Variants in SSBP3 observed in about 807,000 individuals in gnomAD.
SSBP3 encodes the protein single stranded DNA binding protein 3, also known as single-stranded DNA-binding protein 3.
In SSBP3, 5 loss-of-function variants were observed where a neutral mutation model predicts 69.6. The observed-to-expected ratio is 0.07, with a 90% CI of 0.04 to 0.15. The LOEUF (loss-of-function observed/expected upper bound fraction) is 0.15, where lower values mean the gene tolerates loss of function less well. Ranked by LOEUF, SSBP3 falls within the 10% of genes least tolerant of loss-of-function variation. The pLI, the probability that SSBP3 is intolerant of heterozygous loss-of-function variation, is 1.00. For synonymous variants in SSBP3, 196 were observed against 193.4 expected, an observed-to-expected ratio of 1.01 and a Z score of -0.11; for missense variants, 312 against 534.0, an observed-to-expected ratio of 0.58 and a Z score of 4.10.
intron 4 of SSBP3, among the ~76,000 whole-genome samples, chr1:54,396,193 GAAA>G (rs59276509): frequency 0.019 from 765 of 40,518 alleles, 5 homozygotes; most frequent in African/African-American, 0.053. Context: ...CTCCATCTCA[GAAA>G]AAAAAAAAAA....
rs1646572091 is a variant in SSBP3 at position 54,339,654 on chromosome 1, T to C, written c.277-58127A>G. ...TCAGCCGGGCATGGTGGCTCACACC[T>C]ATAATCCTAGCACTTTGGGAGGCTG... On this transcript the variant is annotated intron_variant, in intron 4 of 17. Transcript: ENST00000610401. Among the ~76,000 whole-genome samples the C allele has an allele frequency of 2.0e-5, 3 of 152,126 alleles. No homozygotes were observed. In the South Asian group the frequency reaches 6.2e-4, roughly 32 times the overall value.
intron 5 of SSBP3, among the ~76,000 whole-genome samples, chr1:54,276,035 T>C (rs537031759): frequency 1.3e-5 from 2 of 152,332 alleles, no homozygotes; most frequent in South Asian, 4.1e-4. Flanking sequence ...AAGAGTTCTC[T>C]AGGGACCTCA....
At chr1:54,345,615 C>A (rs1218700713) in intron 4 of SSBP3, among the ~76,000 whole-genome samples, 1 of 152,192 alleles carries the variant, frequency 6.6e-6, no homozygotes, top group African/African-American at 2.4e-5. Flanking sequence ...CCTTTAAAAT[C>A]CTTGGTTTCC....
rs780829835 is a variant in SSBP3, at chr1:54,251,611, G to T, written c.651+5C>A. On this transcript the variant is annotated splice_donor_5th_base_variant and intron_variant, in intron 9 of 17. Coordinates refer to ENST00000610401, the Ensembl canonical transcript of SSBP3. Reference sequence around the variant, plus strand: ...GAGACGGACGGACAGACAGGCGGTGGTTACCTGTGGGCCGGGACCCATGGG... The same window carrying T: ...GAGACGGACGGACAGACAGGCGGTGTTTACCTGTGGGCCGGGACCCATGGG... 12 of 1,551,444 alleles carry T rather than the reference G, an allele frequency of 7.7e-6. No homozygotes were observed. Among genetic ancestry groups the T allele is most frequent in the Non-Finnish European group, 1.0e-5 (12 of 1,146,806 alleles).
upstream of SSBP3, among the ~76,000 whole-genome samples, chr1:54,407,452 G>A (rs112941414): frequency 0.013 from 1,965 of 152,180 alleles, 27 homozygotes; most frequent in Non-Finnish European, 0.022. Flanking sequence ...GAAATTGAGG[G>A]GGGGGCTGGC....
At chr1:54,314,210 A>C (rs1180334450) in intron 4 of SSBP3, among the ~76,000 whole-genome samples, 1 of 152,206 alleles carries the variant, frequency 6.6e-6, no homozygotes, top group Admixed American at 6.5e-5. Flanking sequence ...CTCCAAGGGG[A>C]GACAGGATTA....
At chr1:54,390,022 T>A (rs1287037881) in intron 4 of SSBP3, among the ~76,000 whole-genome samples, 1 of 152,154 alleles carries the variant, frequency 6.6e-6, no homozygotes, top group African/African-American at 2.4e-5. Flanking sequence ...GTTTTGAGTA[T>A]GACAATAGAC....
chr1:54,406,745 G>A (rs1053060315), upstream of SSBP3, among the ~76,000 whole-genome samples: 5 of 152,020 alleles, frequency 3.3e-5, no homozygotes, highest in Non-Finnish European at 7.4e-5. Context: ...GGGGGCTAGG[G>A]GGGCGCTGCG....
rs563330105 is a variant in SSBP3, at chr1:54,258,677, G to A, written c.367-528C>T. Among the ~76,000 whole-genome samples the A allele has an allele frequency of 1.6e-4, 25 of 152,292 alleles. No individual in the cohort carries two copies. The highest frequency in any genetic ancestry group is 5.5e-4 in the African/African-American group (23 of 41,556). On this transcript the variant is annotated intron_variant, in intron 5 of 17. Transcript: ENST00000610401. The surrounding 1 kb of genome is among the most constrained non-coding windows in gnomAD (Gnocchi z 4.5). ...TCAAGTGTCAGGGAGAGGCCCAGGC[G>A]ACGGGTTTCCTGGGGGCAGGAGGGC...
intron 4 of SSBP3, among the ~76,000 whole-genome samples, chr1:54,344,206 A>G (rs528918874): frequency 9.9e-4 from 151 of 152,324 alleles, no homozygotes; most frequent in Middle Eastern, 3.4e-3. Context: ...ATGAATCAGG[A>G]TATGAACAAT....
intron 4 of SSBP3, among the ~76,000 whole-genome samples, chr1:54,346,136 C>A (rs1424801461): frequency 4.0e-5 from 6 of 151,056 alleles, no homozygotes; most frequent in Admixed American, 4.0e-4. Flanking sequence ...GCACTCCAGC[C>A]GTGTGACAGA....
intron 4 of SSBP3, chr1:54,356,525 G>C (rs1646869097): frequency 6.6e-6 from 1 of 152,236 alleles, no homozygotes; most frequent in Non-Finnish European, 1.5e-5. Flanking sequence ...CTACAGAACA[G>C]CGCGGGCCCT....
intron 13 of SSBP3, among the ~76,000 whole-genome samples, chr1:54,240,095 CGCGCGTGT>C (rs1412130719): frequency 3.9e-4 from 5 of 12,972 alleles, no homozygotes; most frequent in African/African-American, 6.0e-4. Flanking sequence ...TGTGCGCGCG[CGCGCGTGT>C]GCGTGCGCGC....
exon 17 of SSBP3, chr1:54,228,274 T>C (rs1557434557): frequency 1.2e-6 from 2 of 1,612,812 alleles, no homozygotes; most frequent in Non-Finnish European, 1.7e-6. Flanking sequence ...CTGAAAGGAG[T>C]GGAGGAAGTT....
chr1:54,225,514 T>TC (rs1271541247), exon 18 of SSBP3: 6 of 1,042,754 alleles, frequency 5.8e-6, no homozygotes, highest in Non-Finnish European at 7.4e-6. Context: ...TACTTTTTTT[T>TC]CCTCTCTTAA....
intron 4 of SSBP3, among the ~76,000 whole-genome samples, chr1:54,293,905 G>A (rs1645651438): frequency 6.6e-6 from 1 of 152,000 alleles, no homozygotes; most frequent in South Asian, 2.1e-4. Flanking sequence ...GGGAGGCTGA[G>A]GCGGGTGGAT....
At position 54,364,875 on chromosome 1, in the gene SSBP3, A is replaced by G. The variant is rs147928404; in HGVS notation, c.276+36986T>C. On this transcript the variant is annotated intron_variant, in intron 4 of 17. Coordinates refer to ENST00000610401, the Ensembl canonical transcript of SSBP3. ...CGTCAGCTTTTCTGCTTCTCACACA[A>G]CTCTGCCCGTGAATAGTCCAAACTA... is the stretch of plus-strand genomic sequence containing the variant. 3.0e-3 allele frequency among the ~76,000 whole-genome samples: 457 copies of G among 152,040 alleles called. 3 individuals carry two copies. Among genetic ancestry groups the G allele is most frequent in the African/African-American group, 0.01 (430 of 41,464 alleles).
At chr1:54,243,951 A>C (rs1056231309) in intron 9 of SSBP3, among the ~76,000 whole-genome samples, 34 of 152,054 alleles carry the variant, frequency 2.2e-4, no homozygotes, top group African/African-American at 7.7e-4. Flanking sequence ...GTTTGTTGAG[A>C]TAGCGTCTTG....
intron 4 of SSBP3, among the ~76,000 whole-genome samples, chr1:54,349,717 C>CA (rs5774184): frequency 0.41 from 56,833 of 138,562 alleles, 12,008 homozygotes; most frequent in African/African-American, 0.61. Flanking sequence ...GTGGATGGGC[C>CA]AAAAAAAAAA....
Sources: allele counts gnomAD v4.1 joint callset (sites outside exome capture counted in the v4.1 genomes callset), GRCh38; gene constraint gnomAD v4.1.1; non-coding constraint Gnocchi (gnomAD v3.1); transcripts MANE v1.5; gene names NCBI Gene and HGNC (gene_info 2026-07-23, HGNC 2026-07-21).